The following IQCM variants were observed in gnomAD, a reference collection of about 807,000 sequenced individuals.
IQCM encodes IQ domain-containing protein M.
IQCM carries 45 observed loss-of-function variants against 57.6 expected under a neutral mutation model. That is an observed-to-expected ratio of 0.78 (90% CI 0.62 to 1.00). The LOEUF (loss-of-function observed/expected upper bound fraction) is 1.00, where lower values mean the gene tolerates loss of function less well. Among genes scored for constraint, IQCM ranks in the 50% least tolerant of loss-of-function variants. The probability of loss-of-function intolerance (pLI) is 0.00; values close to 1 mark genes in which losing one functional copy is unlikely to be tolerated. For synonymous variants in IQCM, 148 were observed against 158.9 expected (o/e 0.93, Z 0.51); for missense variants, 468 against 511.6 (o/e 0.91, Z 0.82).
chr4:149,426,859 G>T (rs1317115417), intron 13 of IQCM, among the ~76,000 whole-genome samples: 1 of 151,874 alleles, frequency 6.6e-6, no homozygotes, highest in Non-Finnish European at 1.5e-5. Context: ...ACACTATGAA[G>T]AAAAATACAC....
intron 13 of IQCM, among the ~76,000 whole-genome samples, chr4:149,428,493 G>C (rs993361787): frequency 6.6e-6 from 1 of 151,798 alleles, no homozygotes; most frequent in Non-Finnish European, 1.5e-5. Flanking sequence ...GCCCATTTTA[G>C]AAAACAGAGA....
chr4:149,463,859 A>G (rs1284442068), intron 12 of IQCM, among the ~76,000 whole-genome samples: 1 of 152,226 alleles, frequency 6.6e-6, no homozygotes, highest in East Asian at 1.9e-4. Context: ...GATGTTCAAC[A>G]TTTCTGGAGA....
chr4:149,770,988 T>C (rs7659854), intron 2 of IQCM, among the ~76,000 whole-genome samples: 19,826 of 151,926 alleles, frequency 0.13, 1,429 homozygotes, highest in Middle Eastern at 0.18. Flanking sequence ...GGAAGGAAAA[T>C]TGTCTTTATA....
At chr4:149,762,315 A>G (rs960893308) in intron 2 of IQCM, among the ~76,000 whole-genome samples, 2 of 152,018 alleles carry the variant, frequency 1.3e-5, no homozygotes, top group South Asian at 2.1e-4. Flanking sequence ...CCATTAGGGT[A>G]GCCAAATAAG....
intron 13 of IQCM, among the ~76,000 whole-genome samples, chr4:149,377,403 G>A (rs1730774746): frequency 6.6e-6 from 1 of 152,092 alleles, no homozygotes; most frequent in South Asian, 2.1e-4. Context: ...AATGATGCTT[G>A]CAGGATTTCC....
At chr4:149,598,358 G>C (rs1160401687) in intron 8 of IQCM, among the ~76,000 whole-genome samples, 1 of 151,700 alleles carries the variant, frequency 6.6e-6, no homozygotes, top group African/African-American at 2.4e-5. Context: ...GGGAGTTTAA[G>C]GTAAAATACA....
chr4:149,438,385 T>C (rs914325110), intron 12 of IQCM, among the ~76,000 whole-genome samples: 4 of 152,114 alleles, frequency 2.6e-5, no homozygotes. Flanking sequence ...GCATCCTTCA[T>C]GGACTACTAG....
intron 10 of IQCM, among the ~76,000 whole-genome samples, chr4:149,559,069 A>C (rs1338978227): frequency 6.6e-6 from 1 of 152,130 alleles, no homozygotes; most frequent in African/African-American, 2.4e-5. Context: ...AGAACCTGGG[A>C]ATCATTCTTG....
intron 5 of IQCM, among the ~76,000 whole-genome samples, chr4:149,719,622 G>A (rs979610676): frequency 2.0e-5 from 3 of 152,160 alleles, no homozygotes; most frequent in Non-Finnish European, 4.4e-5. Context: ...AATGTCATCA[G>A]TACTTCATCT....
chr4:149,506,436 T>C (rs1743822203), intron 12 of IQCM, among the ~76,000 whole-genome samples: 1 of 152,176 alleles, frequency 6.6e-6, no homozygotes, highest in Non-Finnish European at 1.5e-5. Flanking sequence ...AAAATACATT[T>C]CCATAGATGT....
At chr4:149,537,120 A>G (rs76008416) in intron 12 of IQCM, among the ~76,000 whole-genome samples, 2,295 of 152,126 alleles carry the variant, frequency 0.015, 68 homozygotes, top group African/African-American at 0.053. Flanking sequence ...GGTACTAAAA[A>G]TTGACTCTGA....
intron 5 of IQCM, among the ~76,000 whole-genome samples, chr4:149,714,977 T>C (rs1312106582): frequency 1.3e-5 from 2 of 152,244 alleles, no homozygotes; most frequent in African/African-American, 4.8e-5. Context: ...TGTTTATTTC[T>C]GGAATTTCCC....
intron 8 of IQCM, among the ~76,000 whole-genome samples, chr4:149,601,374 A>G (rs1754278516): frequency 6.6e-6 from 1 of 152,172 alleles, no homozygotes; most frequent in Non-Finnish European, 1.5e-5. Context: ...AACTTAAACA[A>G]TGACACAATG....
chr4:149,570,365 C>G (rs1910460), intron 9 of IQCM, among the ~76,000 whole-genome samples: 115,103 of 151,894 alleles, frequency 0.76, 44,086 homozygotes, highest in South Asian at 0.9. Flanking sequence ...TTAATCTTTA[C>G]GTGAAAATGA....
chr4:149,783,616 A>G (rs542813425), intron 2 of IQCM, among the ~76,000 whole-genome samples: 1 of 152,330 alleles, frequency 6.6e-6, no homozygotes, highest in East Asian at 1.9e-4. Flanking sequence ...TCATTATGTA[A>G]TCTCCTCCCT....
intron 2 of IQCM, among the ~76,000 whole-genome samples, chr4:149,762,233 GA>G (rs566639010): frequency 2.6e-4 from 37 of 142,610 alleles, no homozygotes; most frequent in East Asian, 6.0e-4. Context: ...GCTCAGTGAT[GA>G]AAAAAAAAAA....
At chr4:149,460,173 A>G (rs954295852) in intron 12 of IQCM, among the ~76,000 whole-genome samples, 2 of 152,104 alleles carry the variant, frequency 1.3e-5, no homozygotes, top group African/African-American at 4.8e-5. Flanking sequence ...AATGATTAGT[A>G]AGGTCAAGCA....
intron 7 of IQCM, among the ~76,000 whole-genome samples, chr4:149,643,005 CTTTTTTAAA>C (rs1299730871): frequency 7.3e-5 from 11 of 151,492 alleles, no homozygotes; most frequent in Non-Finnish European, 1.5e-5. Context: ...CAGTACTGAC[CTTTTTTAAA>C]TTTTTTAAAT....
intron 8 of IQCM, among the ~76,000 whole-genome samples, chr4:149,616,799 C>T (rs568087448): frequency 2.2e-4 from 33 of 151,962 alleles, no homozygotes; most frequent in African/African-American, 6.8e-4. Context: ...GGGCTTAAAA[C>T]CTATGTTCCA....
Sources: gnomAD v4.1 joint callset for allele counts (sites outside exome capture counted in the v4.1 genomes callset) on GRCh38, gnomAD v4.1.1 for gene constraint, MANE v1.5 for transcripts, NCBI Gene and HGNC (gene_info 2026-07-23, HGNC 2026-07-21) for gene names.